MAP3K5: variants seen among roughly 807,000 people sequenced by gnomAD.
MAP3K5 encodes mitogen-activated protein kinase kinase kinase 5, also known as ASK-1.
MAP3K5 carries 56 observed loss-of-function variants against 158.7 expected under a neutral mutation model. That is an observed-to-expected ratio of 0.35 (90% CI 0.28 to 0.44). MAP3K5 has a LOEUF of 0.44. Ranked by LOEUF, MAP3K5 falls within the 20% of genes least tolerant of loss-of-function variation. The pLI is 1.00. For missense variants in MAP3K5, 1,294 were observed against 1,674.8 expected, an observed-to-expected ratio of 0.77 and a Z score of 3.97; for synonymous variants, 579 against 601.7, an observed-to-expected ratio of 0.96 and a Z score of 0.55.
rs200601826 is a variant in MAP3K5, at chr6:136,694,094, C to T, written c.1253+46G>A. Reference sequence around the variant, plus strand: ...CTCATTTGCAAATACTTTTTTATGCCATGGATTTACTAAGTAAGTAGCTCA... The same window carrying T: ...CTCATTTGCAAATACTTTTTTATGCTATGGATTTACTAAGTAAGTAGCTCA... On this transcript the variant is annotated intron_variant, in intron 7 of 29. Transcript: ENST00000359015. 664 of 1,488,058 alleles carry T rather than the reference C, an allele frequency of 4.5e-4. 1 individual carries two copies. In the African/African-American group the frequency reaches 8.3e-3, roughly 19 times the overall value. The allele number at this position is 1,488,058 out of a possible 1,614,324, so 92.2% of individuals were successfully genotyped here.
At chr6:136,748,027 A>C (rs967753655) in intron 1 of MAP3K5, among the ~76,000 whole-genome samples, 4 of 152,224 alleles carry the variant, frequency 2.6e-5, no homozygotes, top group African/African-American at 7.2e-5. Flanking sequence ...TGGATTTCAA[A>C]ATGATCTCTA....
chr6:136,561,318 T>C (rs1830501301), intron 28 of MAP3K5, among the ~76,000 whole-genome samples: 1 of 152,198 alleles, frequency 6.6e-6, no homozygotes, highest in Non-Finnish European at 1.5e-5. Flanking sequence ...AAACACCTGA[T>C]ACCTTTTTCT....
At chr6:136,731,147 T>C (rs1582601095) in intron 1 of MAP3K5, among the ~76,000 whole-genome samples, 1 of 152,156 alleles carries the variant, frequency 6.6e-6, no homozygotes, top group Admixed American at 6.5e-5. Context: ...TAAAGGGGGC[T>C]TGAAGGGGTC....
chr6:136,785,752 A>G (rs1321010830), intron 1 of MAP3K5, among the ~76,000 whole-genome samples: 2 of 152,120 alleles, frequency 1.3e-5, no homozygotes, highest in Non-Finnish European at 1.5e-5. Flanking sequence ...CTCCAAGTTG[A>G]TGCTTCTCCT....
At chr6:136,584,015 T>C (rs1470788963) in intron 23 of MAP3K5, among the ~76,000 whole-genome samples, 2 of 152,136 alleles carry the variant, frequency 1.3e-5, no homozygotes, top group African/African-American at 2.4e-5. Context: ...GGAAAGACCA[T>C]ATTTTGAACT....
chr6:136,667,644 A>C (rs2114513819), intron 8 of MAP3K5, among the ~76,000 whole-genome samples: 1 of 152,224 alleles, frequency 6.6e-6, no homozygotes, highest in East Asian at 1.9e-4. Context: ...AGAAAGCACA[A>C]TCTAAACCAG....
At chr6:136,760,287 T>C (rs1295615071) in intron 1 of MAP3K5, among the ~76,000 whole-genome samples, 1 of 152,158 alleles carries the variant, frequency 6.6e-6, no homozygotes, top group Admixed American at 6.5e-5. Context: ...TTTTTCCTTA[T>C]AGAAACAACA....
At chr6:136,762,881 C>A (rs1458917983) in intron 1 of MAP3K5, among the ~76,000 whole-genome samples, 2 of 152,220 alleles carry the variant, frequency 1.3e-5, no homozygotes, top group Non-Finnish European at 2.9e-5. Context: ...CATTGCCTTG[C>A]CCTCTTCACA....
intron 15 of MAP3K5, among the ~76,000 whole-genome samples, chr6:136,617,761 C>T (rs1244475292): frequency 6.6e-6 from 1 of 152,144 alleles, no homozygotes; most frequent in Middle Eastern, 3.4e-3. Flanking sequence ...GGTGAAACCC[C>T]CTCTCTACTA....
intron 19 of MAP3K5, 123 bp downstream of exon 19, chr6:136,605,086 A>C (rs774780118): frequency 4.2e-5 from 38 of 901,670 alleles, no homozygotes; most frequent in Non-Finnish European, 5.6e-5. Context: ...CTTGACCTTT[A>C]ATGTGTTCTA....
chr6:136,756,427 A>C (rs542387633), intron 1 of MAP3K5, among the ~76,000 whole-genome samples: 1 of 152,292 alleles, frequency 6.6e-6, no homozygotes, highest in East Asian at 1.9e-4. Flanking sequence ...CTAGACTAGA[A>C]GCTCCTTAAG....
At chr6:136,787,974 GA>G (rs1784916732) in intron 1 of MAP3K5, among the ~76,000 whole-genome samples, 3 of 152,232 alleles carry the variant, frequency 2.0e-5, no homozygotes, top group Non-Finnish European at 4.4e-5. Flanking sequence ...TATAAAACAA[GA>G]AATCATACTT....
At chr6:136,758,136 T>C (rs1783589312) in intron 1 of MAP3K5, among the ~76,000 whole-genome samples, 1 of 152,244 alleles carries the variant, frequency 6.6e-6, no homozygotes, top group Non-Finnish European at 1.5e-5. Flanking sequence ...ATTTTGATTT[T>C]ACTTTCTCTT....
intron 25 of MAP3K5, among the ~76,000 whole-genome samples, chr6:136,572,336 G>A (rs1774407874): frequency 6.6e-6 from 1 of 152,068 alleles, no homozygotes; most frequent in Non-Finnish European, 1.5e-5. Context: ...TTGGCTCACT[G>A]CAACCTCCAC....
At chr6:136,590,459 C>T (rs929997492) in intron 23 of MAP3K5, among the ~76,000 whole-genome samples, 8 of 152,010 alleles carry the variant, frequency 5.3e-5, no homozygotes, top group Non-Finnish European at 8.8e-5. Context: ...ATGTTGTTTC[C>T]TTCTAACCTT....
intron 2 of MAP3K5, among the ~76,000 whole-genome samples, chr6:136,710,902 C>T (rs1283953700): frequency 6.6e-6 from 1 of 152,140 alleles, no homozygotes; most frequent in Admixed American, 6.5e-5. Flanking sequence ...AATCCCTATA[C>T]TCCTCAGCTC....
At chr6:136,583,419 A>C (rs1774975578) in intron 24 of MAP3K5, 136 bp downstream of exon 24, 1 of 774,676 alleles carries the variant, frequency 1.3e-6, no homozygotes, top group African/African-American at 1.8e-5. Context: ...CTGAGAGGCG[A>C]ATATCTCACA....
chr6:136,583,777 T>A (rs1390496518), intron 23 of MAP3K5, 37 bp from the exon 24 acceptor site: 2 of 1,581,544 alleles, frequency 1.3e-6, no homozygotes, highest in South Asian at 1.1e-5. Context: ...CATCAACATA[T>A]GCTGGATATA....
At chr6:136,684,227 T>G (rs1255194728) in intron 7 of MAP3K5, among the ~76,000 whole-genome samples, 1 of 151,366 alleles carries the variant, frequency 6.6e-6, no homozygotes, top group Non-Finnish European at 1.5e-5. Flanking sequence ...AATTTTTTTT[T>G]TAAAAAAAAA....
Sources: gnomAD v4.1 joint callset for allele counts (sites outside exome capture counted in the v4.1 genomes callset) on GRCh38, gnomAD v4.1.1 for gene constraint, MANE v1.5 for transcripts, NCBI Gene and HGNC (gene_info 2026-07-23, HGNC 2026-07-21) for gene names.